FBXL7: variants seen among roughly 807,000 people sequenced by gnomAD.
FBXL7 encodes F-box and leucine rich repeat protein 7.
In FBXL7, 12 loss-of-function variants were observed where a neutral mutation model predicts 38.3. The observed-to-expected ratio is 0.31, with a 90% confidence interval of 0.20 to 0.51. The LOEUF (loss-of-function observed/expected upper bound fraction) is 0.51. Ranked by LOEUF, FBXL7 falls within the 20% of genes least tolerant of loss-of-function variation. FBXL7 has a pLI of 0.98. For synonymous variants in FBXL7, 297 were observed against 300.9 expected (o/e 0.99, Z 0.13); for missense variants, 567 against 676.4 (o/e 0.84, Z 1.79).
chr5:15,839,657 C>T (rs1008513611), intron 2 of FBXL7, among the ~76,000 whole-genome samples: 1 of 152,080 alleles, frequency 6.6e-6, no homozygotes, highest in Non-Finnish European at 1.5e-5. Context: ...TATTTATTTA[C>T]TAACAAAATA....
At chr5:15,863,189 A>C (rs1395372741) in intron 2 of FBXL7, among the ~76,000 whole-genome samples, 1 of 152,228 alleles carries the variant, frequency 6.6e-6, no homozygotes. Flanking sequence ...TCTCTAGTGC[A>C]GGTAGCAATA....
chr5:15,642,047 G>A (rs1251578340), intron 2 of FBXL7, among the ~76,000 whole-genome samples: 1 of 146,590 alleles, frequency 6.8e-6, no homozygotes, highest in African/African-American at 2.5e-5. Context: ...GTGATCTCTG[G>A]CATATTTTAG....
At chr5:15,935,103 T>C in intron 3 of FBXL7, 1 of 527,754 alleles carries the variant, frequency 1.9e-6, no homozygotes, top group Middle Eastern at 3.2e-4. Context: ...CTGGAGAGCA[T>C]TTGTGGTGTG....
At chr5:15,512,587 T>C (rs1228707469) in intron 1 of FBXL7, among the ~76,000 whole-genome samples, 2 of 152,248 alleles carry the variant, frequency 1.3e-5, no homozygotes, top group South Asian at 4.1e-4. Flanking sequence ...CATATGTCTT[T>C]TTCTGAGGAT....
At chr5:15,825,236 G>A (rs964695579) in intron 2 of FBXL7, among the ~76,000 whole-genome samples, 4 of 152,100 alleles carry the variant, frequency 2.6e-5, no homozygotes, top group African/African-American at 9.7e-5. Context: ...GCTTCTGACA[G>A]AAGTAAATGT....
Position 15,682,319 on chromosome 5 carries a change from A to G in FBXL7, c.127+66247A>G, listed in dbSNP as rs375641138. The stretch of plus-strand genomic sequence containing the variant: ...TTCACATTCCATTGGCCAGATCTCA[A>G]TCACGTGACCTTACTAACACATCAC... On this transcript the variant is annotated intron_variant, in intron 2 of 3. Coordinates refer to ENST00000504595, the MANE Select transcript of FBXL7 (RefSeq NM_012304.5). Among the ~76,000 whole-genome samples, 17 of 152,304 alleles carry G rather than the reference A, an allele frequency of 1.1e-4. No individual in the cohort carries two copies. The South Asian group carries it at 2.9e-3, about 26-fold the overall frequency.
intron 2 of FBXL7, among the ~76,000 whole-genome samples, chr5:15,764,212 G>A (rs1736526133): frequency 1.3e-5 from 2 of 152,194 alleles, no homozygotes; most frequent in Non-Finnish European, 2.9e-5. Flanking sequence ...TCATAAAATG[G>A]AGACTGACCT....
At chr5:15,777,793 T>A (rs1019170159) in intron 2 of FBXL7, among the ~76,000 whole-genome samples, 5 of 145,894 alleles carry the variant, frequency 3.4e-5, no homozygotes, top group Admixed American at 1.4e-4. Context: ...TAGATTAGAA[T>A]GGTACTCATT....
At chr5:15,806,609 A>G (rs188284826) in intron 2 of FBXL7, among the ~76,000 whole-genome samples, 1 of 152,072 alleles carries the variant, frequency 6.6e-6, no homozygotes, top group East Asian at 1.9e-4. Context: ...TCTGATAATT[A>G]TCAGGTTGGG....
chr5:15,815,600 A>C (rs2126758319), intron 2 of FBXL7, among the ~76,000 whole-genome samples: 1 of 152,302 alleles, frequency 6.6e-6, no homozygotes, highest in South Asian at 2.1e-4. Context: ...TACTCAATCA[A>C]GATACTTGAC....
In FBXL7 at chr5:15,937,456, T is replaced by C; in HGVS notation, c.*270T>C. The stretch of plus-strand genomic sequence containing the variant: ...AGATGTACTTAAGCAGGCTGATCGC[T>C]GTTCCTTGAGCAAGGCGCTTACTCT... On this transcript the variant is annotated 3_prime_UTR_variant, in exon 4 of 4. Coordinates refer to ENST00000504595, the MANE Select transcript of FBXL7 (RefSeq NM_012304.5). 2.4e-6 allele frequency: 1 copy of C among 414,374 alleles called. No individual in the cohort carries two copies. Among genetic ancestry groups the C allele is most frequent in the Non-Finnish European group, 4.3e-6 (1 of 230,242 alleles). 25.7% of individuals were successfully genotyped at this position (414,374 alleles called of 1,614,324 possible). A position where few individuals can be genotyped will look rare whatever the true frequency, so the allele number is the denominator to read the frequency against.
chr5:15,808,229 T>C (rs1737766998), intron 2 of FBXL7, among the ~76,000 whole-genome samples: 2 of 152,190 alleles, frequency 1.3e-5, no homozygotes. Flanking sequence ...TTTTTCAGAT[T>C]TCCTTCATTG....
rs571311969 is a variant in FBXL7 at position 15,679,691 on chromosome 5, C to A, written c.127+63619C>A. Among the ~76,000 whole-genome samples the A allele has an allele frequency of 8.6e-5, 13 of 151,874 alleles. No homozygotes were observed. The South Asian group carries it at 1.2e-3, about 15-fold the overall frequency. ...GAACAGTAAATACTGGAGTACCCCC[C>A]AAAAAATATCTACTGAAATATTCCC... On this transcript the variant is annotated intron_variant, in intron 2 of 3. Transcript: ENST00000504595.
chr5:15,677,846 G>A (rs62347938), intron 2 of FBXL7, among the ~76,000 whole-genome samples: 69,210 of 151,808 alleles, frequency 0.46, 16,154 homozygotes, highest in East Asian at 0.58. Context: ...GTGAATTTCT[G>A]GTCTTTTTAA....
At chr5:15,890,082 A>C (rs1323916535) in intron 2 of FBXL7, among the ~76,000 whole-genome samples, 3 of 151,934 alleles carry the variant, frequency 2.0e-5, no homozygotes, top group Non-Finnish European at 4.4e-5. Flanking sequence ...AACAGAGCTC[A>C]ACTTTGGTAT....
At chr5:15,610,945 T>C (rs925269550) in intron 1 of FBXL7, among the ~76,000 whole-genome samples, 1 of 152,142 alleles carries the variant, frequency 6.6e-6, no homozygotes, top group Admixed American at 6.5e-5. Flanking sequence ...CCAAAACTAA[T>C]AATTGGCCAA....
At chr5:15,879,141 T>A (rs947182308) in intron 2 of FBXL7, among the ~76,000 whole-genome samples, 3 of 152,230 alleles carry the variant, frequency 2.0e-5, no homozygotes, top group Non-Finnish European at 4.4e-5. Flanking sequence ...GAAGTTCATC[T>A]TTTTTTATCC....
intron 2 of FBXL7, among the ~76,000 whole-genome samples, chr5:15,649,734 C>T (rs920885002): frequency 1.3e-5 from 2 of 151,320 alleles, no homozygotes; most frequent in East Asian, 3.9e-4. Flanking sequence ...CACCTCAGTG[C>T]CCATCTTGTA....
chr5:15,618,885 C>G (rs1037285546), intron 2 of FBXL7, among the ~76,000 whole-genome samples: 2 of 152,034 alleles, frequency 1.3e-5, no homozygotes, highest in African/African-American at 4.8e-5. Context: ...AAAAAGAAAC[C>G]GAGGCAAGTT....
Sources: gnomAD v4.1 joint callset for allele counts (sites outside exome capture counted in the v4.1 genomes callset) on GRCh38, gnomAD v4.1.1 for gene constraint, MANE v1.5 for transcripts, NCBI Gene and HGNC (gene_info 2026-07-23, HGNC 2026-07-21) for gene names.